The following NIN variants were observed in gnomAD, a reference collection of about 807,000 sequenced individuals.
NIN encodes the protein glycogen synthase kinase 3 beta-interacting protein.
NIN carries 137 observed loss-of-function variants against 257.6 expected under a neutral mutation model. That is an observed-to-expected ratio of 0.53 (90% CI 0.46 to 0.61). The LOEUF is 0.61. NIN is among the 20% of genes least tolerant of loss of function. The pLI is 0.00. For missense variants in NIN, 2,439 were observed against 2,501.2 expected (o/e 0.98, Z 0.53); for synonymous variants, 918 against 919.8 (o/e 1.00, Z 0.04).
intron 5 of NIN, chr14:50,792,014 G>C (rs934730825): frequency 6.6e-6 from 1 of 152,144 alleles, no homozygotes; most frequent in East Asian, 1.9e-4. Flanking sequence ...TGGGATGCTG[G>C]TAAATGAGCC....
Position 50,784,648 on chromosome 14 carries a change from T to C in NIN, c.436-5844A>G, listed in dbSNP as rs545804258. Among the ~76,000 whole-genome samples the C allele has an allele frequency of 4.6e-5, 7 of 152,356 alleles. No individual in the cohort carries two copies. The South Asian group carries it at 8.3e-4, about 18-fold the overall frequency. The stretch of plus-strand genomic sequence containing the variant: ...CTCTTTAAAATCTACAGCCTTGATA[T>C]GTTAATTGGCTTGATTTAGTTATTT... On this transcript the variant is annotated intron_variant, in intron 5 of 30. Coordinates refer to ENST00000530997, the MANE Select transcript of NIN (RefSeq NM_020921.4).
At chr14:50,811,889 G>A (rs949089218) in intron 3 of NIN, among the ~76,000 whole-genome samples, 1 of 151,982 alleles carries the variant, frequency 6.6e-6, no homozygotes, top group Non-Finnish European at 1.5e-5. Flanking sequence ...AGCTACTCGG[G>A]AGGCTGAAGC....
At chr14:50,730,310 G>A (rs2140355830) in intron 28 of NIN, among the ~76,000 whole-genome samples, 1 of 152,112 alleles carries the variant, frequency 6.6e-6, no homozygotes, top group East Asian at 1.9e-4. Context: ...TAGAACATCT[G>A]GGAACTGGAG....
rs897868358 is a variant in NIN at position 50,721,687 on chromosome 14, G to A, written c.*1776C>T. The A allele has an allele frequency of 4.1e-5, 9 of 217,858 alleles. No homozygotes were observed. The highest frequency in any genetic ancestry group is 2.0e-4 in the African/African-American group (9 of 44,484). 13.5% of individuals were successfully genotyped at this position (217,858 alleles called of 1,614,324 possible). ...AAATATTTTGAAGTATAATTATAGG[G>A]AAGGATTAAAATTAACTCTTTATCC... On this transcript the variant is annotated 3_prime_UTR_variant, in exon 31 of 31. Coordinates refer to ENST00000530997, the MANE Select transcript of NIN (RefSeq NM_020921.4).
intron 28 of NIN, among the ~76,000 whole-genome samples, chr14:50,730,218 C>A (rs1362853892): frequency 6.6e-6 from 1 of 152,112 alleles, no homozygotes; most frequent in Non-Finnish European, 1.5e-5. Context: ...TTTAACCTAC[C>A]TTTAGTTTAT....
intron 2 of NIN, among the ~76,000 whole-genome samples, chr14:50,827,830 G>T (rs2045532912): frequency 6.6e-6 from 1 of 150,594 alleles, no homozygotes; most frequent in Admixed American, 6.6e-5. Flanking sequence ...TTAACTAAGG[G>T]AATCCTATCA....
intron 12 of NIN, among the ~76,000 whole-genome samples, chr14:50,767,442 A>G (rs8012283): frequency 0.23 from 34,531 of 152,170 alleles, 4,830 homozygotes; most frequent in African/African-American, 0.39. Context: ...TCAATACATA[A>G]TATTGACAAA....
At chr14:50,760,860 G>A (rs1462898887) in intron 16 of NIN, among the ~76,000 whole-genome samples, 1 of 151,858 alleles carries the variant, frequency 6.6e-6, no homozygotes, top group African/African-American at 2.4e-5. Context: ...GTAGAGACGG[G>A]GTCTCACCAT....
chr14:50,757,992 G>A lies in NIN; in HGVS notation c.3038C>T (p.Ser1013Phe), dbSNP rs762931395. The change falls in exon 18 of 31, where the codon TCC becomes TTC. Residue 1013 changes from serine to phenylalanine, a missense_variant. By Grantham distance (155) the Ser-to-Phe change is radical. This residue lies in a region of NIN where 2,043 missense variants were observed against 2,050.2 expected (regional missense o/e 1.00). Coordinates refer to ENST00000530997, the MANE Select transcript of NIN (RefSeq NM_020921.4). ...RERAEMSTEI[S>F]RLQSKIKEMQ... ...TTCCTTTATTTTACTCTGAAGTCTG[G>A]AGATTTCTGTGCTCATCTCGGCTCT... The A allele has an allele frequency of 6.2e-7, 1 of 1,614,184 alleles. No homozygotes were observed. The highest frequency in any genetic ancestry group is 1.7e-5 in the Admixed American group (1 of 60,024).
intron 27 of NIN, among the ~76,000 whole-genome samples, chr14:50,737,199 C>A (rs1250679841): frequency 2.0e-5 from 3 of 152,166 alleles, no homozygotes; most frequent in Non-Finnish European, 4.4e-5. Flanking sequence ...GTGTCTGTTT[C>A]ATCACTCCTT....
At position 50,821,973 on chromosome 14, in the gene NIN, C is replaced by G; in HGVS notation, c.84G>C (p.Leu28=). Reference sequence around the variant, plus strand: ...AAAGGTCGGTGAGTTCCTCCTGCCCCAGGGACCCTGTGCCCGTCGTGTCAA... The same window carrying G: ...AAAGGTCGGTGAGTTCCTCCTGCCCGAGGGACCCTGTGCCCGTCGTGTCAA... ...DSFDTTGTGS[L]GQEELTDLCH... is the part of the protein sequence containing the mutation. The change falls in exon 3 of 31, where the codon CTG becomes CTC. Residue 28 remains leucine (L), a synonymous_variant. Coordinates refer to ENST00000530997, the MANE Select transcript of NIN (RefSeq NM_020921.4). 6.2e-7 allele frequency: 1 copy of G among 1,614,212 alleles called. No homozygotes were observed. The highest frequency in any genetic ancestry group is 8.5e-7 in the Non-Finnish European group (1 of 1,180,030).
At position 50,821,985 on chromosome 14, in the gene NIN, G is replaced by A. The variant is rs1018483867; in HGVS notation, c.72C>T (p.Gly24=). Residue 24 remains glycine, a synonymous_variant, in exon 3 of 31, where the codon GGC becomes GGT. Transcript: ENST00000530997. ...KELFDSFDTT[G]TGSLGQEELT... is the part of the protein sequence containing the mutation. ...GTTCCTCCTGCCCCAGGGACCCTGT[G>A]CCCGTCGTGTCAAAACTGTCAAACA... is the stretch of plus-strand genomic sequence containing the variant. 1.9e-6 allele frequency: 3 copies of A among 1,614,036 alleles called. No individual in the cohort carries two copies. The highest frequency in any genetic ancestry group is 1.3e-5 in the African/African-American group (1 of 74,902).
chr14:50,726,937 C>A (rs1037762282), intron 29 of NIN, among the ~76,000 whole-genome samples: 1 of 152,062 alleles, frequency 6.6e-6, no homozygotes, highest in Non-Finnish European at 1.5e-5. Flanking sequence ...TGTTTAGATA[C>A]TAAGTAGTAA....
intron 7 of NIN, 120 bp downstream of exon 7, chr14:50,776,829 T>C: frequency 4.4e-6 from 4 of 913,856 alleles, no homozygotes; most frequent in Non-Finnish European, 6.6e-6. Context: ...AATGACTTCT[T>C]AGGAAAAAAG....
At chr14:50,775,092 G>C (rs115968231) in intron 7 of NIN, among the ~76,000 whole-genome samples, 1 of 152,202 alleles carries the variant, frequency 6.6e-6, no homozygotes, top group Admixed American at 6.5e-5. Flanking sequence ...AGAAAGTAGC[G>C]AGTGCTGGGA....
In NIN at chr14:50,720,739, T is replaced by TA. The variant is rs1247201362; in HGVS notation, c.*2723dup. 7.3e-5 allele frequency: 15 copies of TA among 204,246 alleles called. No individual in the cohort carries two copies. Among genetic ancestry groups the TA allele is most frequent in the African/African-American group, 3.4e-4 (15 of 43,904 alleles). 12.7% of individuals were successfully genotyped at this position (204,246 alleles called of 1,614,324 possible). A position where few individuals can be genotyped will look rare whatever the true frequency, so the allele number is the denominator to read the frequency against. ...AAATCTAAGCTTAAGTGCAGGCTTCTAAAAAGCAGAAGAGAGTACAATAGG... is the reference window on the plus strand; with the variant it reads ...AAATCTAAGCTTAAGTGCAGGCTTCTAAAAAAGCAGAAGAGAGTACAATAGG... On this transcript the variant is annotated 3_prime_UTR_variant, in exon 31 of 31. Transcript: ENST00000530997.
Position 50,770,429 on chromosome 14 carries a change from C to T in NIN, c.1393G>A (p.Glu465Lys). 1 of 1,614,226 alleles carries T rather than the reference C, an allele frequency of 6.2e-7. No homozygotes were observed. Among genetic ancestry groups the T allele is most frequent in the Non-Finnish European group, 8.5e-7 (1 of 1,180,046 alleles). ...LEQEIEKAKT[E>K]ENYIRDRLAL... ...AGGCGGTCCCGGATATAGTTCTCTTCTGTTTTTGCCTTTTCAATTTCCTGT... is the reference window on the plus strand; with the variant it reads ...AGGCGGTCCCGGATATAGTTCTCTTTTGTTTTTGCCTTTTCAATTTCCTGT... Residue 465 changes from glutamate to lysine, a missense_variant, in exon 12 of 31, where the codon GAA (glutamate) becomes AAA (lysine). By Grantham distance (56) the Glu-to-Lys change is moderately conservative. This residue lies in a region of NIN where 2,043 missense variants were observed against 2,050.2 expected (regional missense o/e 1.00). Transcript: ENST00000530997.
At chr14:50,783,366 T>C (rs1012196386) in intron 5 of NIN, among the ~76,000 whole-genome samples, 1 of 152,092 alleles carries the variant, frequency 6.6e-6, no homozygotes, top group Non-Finnish European at 1.5e-5. Flanking sequence ...AGTTTAAACA[T>C]GTTTTAAAGT....
intron 28 of NIN, among the ~76,000 whole-genome samples, chr14:50,734,982 G>A (rs1453737192): frequency 6.6e-6 from 1 of 151,786 alleles, no homozygotes; most frequent in Non-Finnish European, 1.5e-5. Flanking sequence ...CACCATGTCC[G>A]GCCACAAATA....
Sources: gnomAD v4.1 joint callset for allele counts (sites outside exome capture counted in the v4.1 genomes callset) on GRCh38, gnomAD v4.1.1 for gene constraint, gnomAD v4.1.1 regional missense constraint, MANE v1.5 for transcripts, NCBI Gene and HGNC (gene_info 2026-07-23, HGNC 2026-07-21) for gene names.